Variants in STAM2 observed in about 807,000 individuals in gnomAD.
STAM2 encodes the protein signal transducing adaptor molecule 2.
In STAM2, 51 loss-of-function variants were observed where a neutral mutation model predicts 65.6. The ratio of observed to expected loss-of-function variants is 0.78; its 90% CI spans 0.62 to 0.98. The LOEUF is 0.98. STAM2 is among the 50% of genes least tolerant of loss of function. The pLI is 0.00. For synonymous variants in STAM2, 198 were observed against 208.4 expected (o/e 0.95, Z 0.43); for missense variants, 584 against 617.8 (o/e 0.95, Z 0.58).
chr2:152,153,271 C>G (rs553925216), intron 1 of STAM2, among the ~76,000 whole-genome samples: 236 of 151,630 alleles, frequency 1.6e-3, no homozygotes, highest in African/African-American at 5.4e-3. Context: ...CTTGTAATTT[C>G]AAATATAGAA....
rs375146011 is a variant in STAM2, at chr2:152,160,341, C to T, written c.41-10112G>A. Among the ~76,000 whole-genome samples the T allele has an allele frequency of 1.4e-4, 22 of 151,814 alleles. No homozygotes were observed. In the East Asian group the frequency reaches 1.8e-3, roughly 12 times the overall value. On this transcript the variant is annotated intron_variant, in intron 1 of 13. Coordinates refer to ENST00000263904, the MANE Select transcript of STAM2 (RefSeq NM_005843.6). ...GAAGTGAGGAGCGTCTCTGCCTGGC[C>T]GCCCATCGTCTGAGATGTGGGGAGC...
At chr2:152,163,456 AATTG>A (rs1255004415) in intron 1 of STAM2, among the ~76,000 whole-genome samples, 1 of 139,584 alleles carries the variant, frequency 7.2e-6, no homozygotes. Context: ...TAACTGTACA[AATTG>A]ATTGTAAAAG....
At chr2:152,127,151 C>CT (rs924572167) in intron 11 of STAM2, among the ~76,000 whole-genome samples, 1 of 152,294 alleles carries the variant, frequency 6.6e-6, no homozygotes, top group African/African-American at 2.4e-5. Flanking sequence ...GTGGGGTGTA[C>CT]TTTCATTTTC....
At chr2:152,134,484 G>A (rs1016058043) in intron 8 of STAM2, among the ~76,000 whole-genome samples, 3 of 152,094 alleles carry the variant, frequency 2.0e-5, no homozygotes, top group Non-Finnish European at 2.9e-5. Flanking sequence ...AACCTCTCAC[G>A]ACTTCATTTT....
intron 7 of STAM2, among the ~76,000 whole-genome samples, chr2:152,142,391 T>C (rs1192540767): frequency 2.0e-5 from 3 of 152,334 alleles, no homozygotes; most frequent in South Asian, 2.1e-4. Context: ...TTTAACTTCA[T>C]AGTTGTATAA....
At chr2:152,125,641 G>C (rs2105528933) in intron 12 of STAM2, among the ~76,000 whole-genome samples, 1 of 152,320 alleles carries the variant, frequency 6.6e-6, no homozygotes, top group Middle Eastern at 3.4e-3. Context: ...TACGGAGTCT[G>C]TACCTCCTAG....
chr2:152,158,312 TA>T (rs1453667337), intron 1 of STAM2, among the ~76,000 whole-genome samples: 1 of 151,942 alleles, frequency 6.6e-6, no homozygotes, highest in Non-Finnish European at 1.5e-5. Flanking sequence ...CCGTTTCCAC[TA>T]AAAATACAAA....
At chr2:152,144,469 T>C (rs1689303532) in intron 6 of STAM2, among the ~76,000 whole-genome samples, 1 of 152,242 alleles carries the variant, frequency 6.6e-6, no homozygotes, top group Admixed American at 6.5e-5. Flanking sequence ...TACTAGTTTT[T>C]AGATTTGAGG....
chr2:152,158,432 C>T (rs1022706816), intron 1 of STAM2, among the ~76,000 whole-genome samples: 1 of 151,908 alleles, frequency 6.6e-6, no homozygotes, highest in African/African-American at 2.4e-5. Context: ...GCCAAGATTA[C>T]ATCACTACAC....
At position 152,142,316 on chromosome 2, in the gene STAM2, A is replaced by G. The variant is rs11890211; in HGVS notation, c.704+1511T>C. 7.6e-3 allele frequency among the ~76,000 whole-genome samples: 1,165 copies of G among 152,342 alleles called. 20 individuals carry two copies. The highest frequency in any genetic ancestry group is 0.027 in the African/African-American group (1,129 of 41,564). Reference sequence around the variant, plus strand: ...TTTATTTTAGAAAATTTTGTTATATAAAGTAATGCTCTAAATTAAAATCTT... The same window carrying G: ...TTTATTTTAGAAAATTTTGTTATATGAAGTAATGCTCTAAATTAAAATCTT... On this transcript the variant is annotated intron_variant, in intron 7 of 13. Transcript: ENST00000263904.
intron 7 of STAM2, among the ~76,000 whole-genome samples, chr2:152,136,039 A>C (rs1438773110): frequency 6.6e-6 from 1 of 150,778 alleles, no homozygotes; most frequent in Non-Finnish European, 1.5e-5. Flanking sequence ...GCAGTGAGCC[A>C]AGATGGCACC....
Position 152,133,000 on chromosome 2 carries a change from G to A in STAM2, c.970+173C>T, listed in dbSNP as rs146284665. ...ACTTGCTTTATGAAAAGGATTTGCAGGTTTATGACAATGCCTTCCAAGTAA... is the reference window on the plus strand; with the variant it reads ...ACTTGCTTTATGAAAAGGATTTGCAAGTTTATGACAATGCCTTCCAAGTAA... On this transcript the variant is annotated intron_variant, in intron 10 of 13. Transcript: ENST00000263904. Among the ~76,000 whole-genome samples, 317 of 152,064 alleles carry A rather than the reference G, an allele frequency of 2.1e-3. 1 individual carries two copies. Among genetic ancestry groups the A allele is most frequent in the African/African-American group, 6.8e-3 (282 of 41,554 alleles).
chr2:152,121,346 C>T (rs1330482198), intron 13 of STAM2, among the ~76,000 whole-genome samples: 2 of 152,064 alleles, frequency 1.3e-5, no homozygotes, highest in Non-Finnish European at 2.9e-5. Flanking sequence ...GATTCTAAGG[C>T]CAATTTAACT....
chr2:152,156,827 C>T (rs990669894), intron 1 of STAM2, among the ~76,000 whole-genome samples: 2 of 152,078 alleles, frequency 1.3e-5, no homozygotes, highest in African/African-American at 4.8e-5. Context: ...TGCAAGAAAA[C>T]TTTAAAGCTC....
At chr2:152,139,048 T>C (rs1689202018) in intron 7 of STAM2, among the ~76,000 whole-genome samples, 1 of 152,154 alleles carries the variant, frequency 6.6e-6, no homozygotes, top group Non-Finnish European at 1.5e-5. Flanking sequence ...CCAGCCCTAA[T>C]CCAGCTCTAT....
intron 5 of STAM2, among the ~76,000 whole-genome samples, chr2:152,145,504 A>C (rs538140192): frequency 1.3e-5 from 2 of 152,382 alleles, no homozygotes; most frequent in South Asian, 4.1e-4. Flanking sequence ...TGTAACACAG[A>C]ACTTGGCATA....
chr2:152,118,245 T>C lies in STAM2; in HGVS notation c.*2329A>G, dbSNP rs1688785149. 6.6e-6 allele frequency: 1 copy of C among 151,898 alleles called. No individual in the cohort carries two copies. The highest frequency in any genetic ancestry group is 1.5e-5 in the Non-Finnish European group (1 of 67,922). The allele number at this position is 151,898 out of a possible 1,614,324, so 9.4% of individuals were successfully genotyped here. On this transcript the variant is annotated 3_prime_UTR_variant, in exon 14 of 14. Coordinates refer to ENST00000263904, the MANE Select transcript of STAM2 (RefSeq NM_005843.6). Reference sequence around the variant, plus strand: ...CAGGTCTTAATATAAATAGAATCCATAAGCCCATAAAAAGGGAAGTACACA... The same window carrying C: ...CAGGTCTTAATATAAATAGAATCCACAAGCCCATAAAAAGGGAAGTACACA...
intron 1 of STAM2, among the ~76,000 whole-genome samples, chr2:152,168,335 T>A (rs1579337825): frequency 1.3e-5 from 2 of 152,182 alleles, no homozygotes; most frequent in Middle Eastern, 3.4e-3. Context: ...AATTTTTGTA[T>A]TTTTAGTAAA....
At chr2:152,127,390 G>GT (rs1309904322) in intron 11 of STAM2, among the ~76,000 whole-genome samples, 1 of 151,870 alleles carries the variant, frequency 6.6e-6, no homozygotes, top group Non-Finnish European at 1.5e-5. Flanking sequence ...CACATTCTAG[G>GT]TTTTTTGTTG....
Sources: gnomAD v4.1 joint callset for allele counts (sites outside exome capture counted in the v4.1 genomes callset) on GRCh38, gnomAD v4.1.1 for gene constraint, MANE v1.5 for transcripts, NCBI Gene and HGNC (gene_info 2026-07-23, HGNC 2026-07-21) for gene names.